Variants in SLC30A7 observed in about 807,000 individuals in gnomAD.
SLC30A7 encodes solute carrier family 30 member 7, also known as zinc transporter 7.
In SLC30A7, 35 loss-of-function variants were observed where a neutral mutation model predicts 46.0. The observed-to-expected ratio is 0.76, with a 90% confidence interval of 0.58 to 1.01. SLC30A7 has a LOEUF of 1.01. SLC30A7 is among the 50% of genes least tolerant of loss of function. SLC30A7 has a pLI of 0.00. For missense variants in SLC30A7, 464 were observed against 451.1 expected (o/e 1.03, Z -0.26); for synonymous variants, 147 against 157.8 (o/e 0.93, Z 0.51).
intron 2 of SLC30A7, among the ~76,000 whole-genome samples, chr1:100,903,907 A>G (rs1651466455): frequency 6.6e-6 from 1 of 152,172 alleles, no homozygotes; most frequent in Admixed American, 6.5e-5. Flanking sequence ...ATTAAGAGGT[A>G]TGGGTTGTGC....
chr1:100,975,623 G>C lies in SLC30A7; in HGVS notation c.*766G>C, dbSNP rs1656423704. 2 of 152,316 alleles carry C rather than the reference G, an allele frequency of 1.3e-5. No homozygotes were observed. The highest frequency in any genetic ancestry group is 2.9e-5 in the Non-Finnish European group (2 of 68,114). 9.4% of individuals were successfully genotyped at this position (152,316 alleles called of 1,614,324 possible). On this transcript the variant is annotated 3_prime_UTR_variant, in exon 11 of 11. Transcript: ENST00000357650. Reference sequence around the variant, plus strand: ...GCTCACTGCAACCTCTGCTTCCCGGGTTCAAGCTATTCTCCTGCCTCAGCC... The same window carrying C: ...GCTCACTGCAACCTCTGCTTCCCGGCTTCAAGCTATTCTCCTGCCTCAGCC...
chr1:100,958,436 A>G (rs1319451645), intron 8 of SLC30A7, among the ~76,000 whole-genome samples: 1 of 152,198 alleles, frequency 6.6e-6, no homozygotes, highest in Non-Finnish European at 1.5e-5. Context: ...TTGGCCTCCC[A>G]AAGTGCTGGG....
intron 6 of SLC30A7, among the ~76,000 whole-genome samples, chr1:100,914,574 A>C (rs546274770): frequency 3.3e-5 from 5 of 152,284 alleles, no homozygotes; most frequent in Admixed American, 2.0e-4. Context: ...CTTATGTAGC[A>C]TTGGGTACTA....
At chr1:100,958,793 A>G (rs571489922) in intron 8 of SLC30A7, among the ~76,000 whole-genome samples, 141 of 152,362 alleles carry the variant, frequency 9.3e-4, no homozygotes, top group African/African-American at 3.2e-3. Flanking sequence ...CATAAATAAG[A>G]TAATTCCTAC....
intron 7 of SLC30A7, among the ~76,000 whole-genome samples, chr1:100,920,140 AACAAATCATTATTTTCTT>A (rs1319805508): frequency 2.6e-5 from 4 of 152,200 alleles, no homozygotes; most frequent in East Asian, 3.9e-4. Flanking sequence ...GAAAATCAAG[AACAAATCATTATTTTCTT>A]ACAAATCATT....
intron 2 of SLC30A7, among the ~76,000 whole-genome samples, chr1:100,898,865 T>G (rs1651133093): frequency 6.6e-6 from 1 of 152,228 alleles, no homozygotes; most frequent in South Asian, 2.1e-4. Context: ...AATTTCATTC[T>G]GTAAAAATAA....
chr1:100,967,310 GA>G (rs1271120972), intron 10 of SLC30A7, among the ~76,000 whole-genome samples: 1 of 152,122 alleles, frequency 6.6e-6, no homozygotes, highest in Non-Finnish European at 1.5e-5. Context: ...GTTTTGGGAT[GA>G]AACTGTTCCA....
chr1:100,943,982 A>C (rs1654487539), intron 8 of SLC30A7, among the ~76,000 whole-genome samples: 1 of 152,266 alleles, frequency 6.6e-6, no homozygotes, highest in Non-Finnish European at 1.5e-5. Context: ...GAATAAATCA[A>C]AAGCAAATAT....
At position 100,896,228 on chromosome 1, in the gene SLC30A7, G is replaced by C. The variant is rs1313563520; in HGVS notation, c.-35G>C. 3.1e-6 allele frequency: 5 copies of C among 1,604,260 alleles called. No homozygotes were observed. Among genetic ancestry groups the C allele is most frequent in the South Asian group, 1.1e-5 (1 of 90,840 alleles). ...ATCACCCCACGGAGCCACTTCTAGA[G>C]GGGAGTAGACCCGGCCCTTCGCCGG... is the stretch of plus-strand genomic sequence containing the variant. On this transcript the variant is annotated 5_prime_UTR_variant, in exon 1 of 11. Coordinates refer to ENST00000357650, the MANE Select transcript of SLC30A7 (RefSeq NM_133496.5).
intron 8 of SLC30A7, among the ~76,000 whole-genome samples, chr1:100,929,113 T>TGC (rs924856257): frequency 3.1e-4 from 47 of 151,996 alleles, no homozygotes; most frequent in South Asian, 1.2e-3. Flanking sequence ...TGTGTGTGTG[T>TGC]GCGTGCCTGT....
the SLC30A7 span, among the ~76,000 whole-genome samples, chr1:100,993,582 ATAT>A: frequency 3.0e-5 from 3 of 98,538 alleles, no homozygotes; most frequent in African/African-American, 9.4e-5. Flanking sequence ...ATATATATAT[ATAT>A]ATATATATAT....
intron 8 of SLC30A7, chr1:100,941,565 C>G: frequency 1.8e-6 from 1 of 566,016 alleles, no homozygotes; most frequent in Non-Finnish European, 3.4e-6. Flanking sequence ...TCAATCACTT[C>G]AGTTTTTCCA....
intron 8 of SLC30A7, among the ~76,000 whole-genome samples, chr1:100,934,307 T>C (rs1322441435): frequency 6.6e-6 from 1 of 152,204 alleles, no homozygotes; most frequent in Non-Finnish European, 1.5e-5. Flanking sequence ...ATAAGAATTC[T>C]CAGAATATGG....
intron 10 of SLC30A7, among the ~76,000 whole-genome samples, chr1:100,966,224 C>CA (rs113502196): frequency 0.027 from 3,731 of 138,058 alleles, 154 homozygotes; most frequent in African/African-American, 0.088. Context: ...GACCCTGTCT[C>CA]AAAAAAAAAA....
At chr1:100,913,307 T>C (rs1177255559) in intron 5 of SLC30A7, among the ~76,000 whole-genome samples, 6 of 152,258 alleles carry the variant, frequency 3.9e-5, no homozygotes, top group African/African-American at 1.4e-4. Flanking sequence ...TGTTGTTTAC[T>C]GCCTCATCTC....
intron 2 of SLC30A7, 142 bp downstream of exon 2, chr1:100,896,813 T>TA (rs2100995240): frequency 1.4e-6 from 1 of 707,974 alleles, no homozygotes; most frequent in Non-Finnish European, 2.5e-6. Flanking sequence ...TGCTTTCTCA[T>TA]ACCCACACCA....
chr1:100,905,826 A>AT (rs1313317444), intron 2 of SLC30A7, among the ~76,000 whole-genome samples: 1 of 152,140 alleles, frequency 6.6e-6, no homozygotes, highest in African/African-American at 2.4e-5. Context: ...CCTTTGACAT[A>AT]TTAATTGTAT....
chr1:100,932,181 G>A (rs1486406368), intron 8 of SLC30A7, among the ~76,000 whole-genome samples: 3 of 152,160 alleles, frequency 2.0e-5, no homozygotes, highest in Middle Eastern at 3.2e-3. Flanking sequence ...TTGGGAGGCC[G>A]AGGCGGGTAG....
At chr1:100,908,183 C>G (rs1651813057) in intron 3 of SLC30A7, among the ~76,000 whole-genome samples, 1 of 151,948 alleles carries the variant, frequency 6.6e-6, no homozygotes, top group African/African-American at 2.4e-5. Context: ...GTCTCTTAGG[C>G]CTCTTGTTAT....
Sources: gnomAD v4.1 joint callset for allele counts (sites outside exome capture counted in the v4.1 genomes callset) on GRCh38, gnomAD v4.1.1 for gene constraint, MANE v1.5 for transcripts, NCBI Gene and HGNC (gene_info 2026-07-23, HGNC 2026-07-21) for gene names.